MKX: variants seen among roughly 807,000 people sequenced by gnomAD.
MKX encodes the protein homeobox protein Mohawk.
In MKX, 13 loss-of-function variants were observed where a neutral mutation model predicts 36.0. That is an observed-to-expected ratio of 0.36 (90% CI 0.24 to 0.57). The LOEUF (loss-of-function observed/expected upper bound fraction) is 0.57, where lower values mean the gene tolerates loss of function less well. MKX is among the 20% of genes least tolerant of loss of function. The pLI, the probability that MKX is intolerant of heterozygous loss-of-function variation, is 0.79. For synonymous variants in MKX, 176 were observed against 178.3 expected, an observed-to-expected ratio of 0.99 and a Z score of 0.10; for missense variants, 458 against 456.4, an observed-to-expected ratio of 1.00 and a Z score of -0.03.
At chr10:27,713,404 A>G (rs1836907463) in intron 5 of MKX, among the ~76,000 whole-genome samples, 1 of 152,222 alleles carries the variant, frequency 6.6e-6, no homozygotes, top group South Asian at 2.1e-4. Flanking sequence ...GTCCATGTAC[A>G]AAAGGAAGTT....
At chr10:27,735,689 A>G (rs1368124197) in intron 3 of MKX, among the ~76,000 whole-genome samples, 2 of 152,356 alleles carry the variant, frequency 1.3e-5, no homozygotes, top group East Asian at 1.9e-4. Flanking sequence ...AATGTGATGA[A>G]TGGCATACAA....
At position 27,744,017 on chromosome 10, in the gene MKX, A is replaced by G. The variant is rs1564370440; in HGVS notation, c.-82-520T>C. ...CCCCCCAGCTCATGAGTCCCAGGCC[A>G]TACCGGGATTTGGGGGATTTTCGTG... On this transcript the variant is annotated intron_variant, in intron 1 of 6. Transcript: ENST00000419761. The surrounding 1 kb of genome is among the most constrained non-coding windows in gnomAD (Gnocchi z 5.6). Among the ~76,000 whole-genome samples the G allele has an allele frequency of 6.6e-6, 1 of 152,112 alleles. No homozygotes were observed. Among genetic ancestry groups the G allele is most frequent in the African/African-American group, 2.4e-5 (1 of 41,420 alleles).
chr10:27,741,245 A>G lies in MKX; in HGVS notation c.348+100T>C. 4 of 1,473,474 alleles carry G rather than the reference A, an allele frequency of 2.7e-6. No individual in the cohort carries two copies. The highest frequency in any genetic ancestry group is 3.7e-6 in the Non-Finnish European group (4 of 1,070,660). 91.3% of individuals were successfully genotyped at this position (1,473,474 alleles called of 1,614,324 possible). A position where few individuals can be genotyped will look rare whatever the true frequency, so the allele number is the denominator to read the frequency against. On this transcript the variant is annotated intron_variant, in intron 3 of 6. Transcript: ENST00000419761. This position sits in a 1 kb window ranked among gnomAD's most constrained non-coding sequence, Gnocchi z 5.1. Reference sequence around the variant, plus strand: ...CCACAGCTCGGCTCCATCCCTCTCCAGGTAGAAGCGCCACGTGGAGAGCCA... The same window carrying G: ...CCACAGCTCGGCTCCATCCCTCTCCGGGTAGAAGCGCCACGTGGAGAGCCA...
At chr10:27,726,250 A>G (rs1834486234) in intron 5 of MKX, among the ~76,000 whole-genome samples, 1 of 152,216 alleles carries the variant, frequency 6.6e-6, no homozygotes, top group Non-Finnish European at 1.5e-5. Flanking sequence ...GCTCTTGCAC[A>G]TGGAGGAGAG....
chr10:27,718,200 T>G (rs1333753512), intron 5 of MKX, among the ~76,000 whole-genome samples: 1 of 152,132 alleles, frequency 6.6e-6, no homozygotes, highest in African/African-American at 2.4e-5. Context: ...CACTGTATTA[T>G]TACTAAGAAG....
At position 27,742,118 on chromosome 10, in the gene MKX, A is replaced by G. The variant is rs1834912327; in HGVS notation, c.189-614T>C. Reference sequence around the variant, plus strand: ...TGTGGAGGAAAGCTGCAGAACCCAAAAACACCGTCGGGCCGTTTCCCGACT... The same window carrying G: ...TGTGGAGGAAAGCTGCAGAACCCAAGAACACCGTCGGGCCGTTTCCCGACT... On this transcript the variant is annotated intron_variant, in intron 2 of 6. Coordinates refer to ENST00000419761, the MANE Select transcript of MKX (RefSeq NM_173576.3). This position sits in a 1 kb window ranked among gnomAD's most constrained non-coding sequence, Gnocchi z 4.2. Among the ~76,000 whole-genome samples the G allele has an allele frequency of 6.6e-6, 1 of 152,216 alleles. No homozygotes were observed. The highest frequency in any genetic ancestry group is 1.5e-5 in the Non-Finnish European group (1 of 68,036).
chr10:27,682,807 C>T (rs1235411426), intron 5 of MKX, among the ~76,000 whole-genome samples: 3 of 151,764 alleles, frequency 2.0e-5, no homozygotes, highest in African/African-American at 4.8e-5. Flanking sequence ...AGTGAAACCC[C>T]GTCTCTACTA....
intron 5 of MKX, among the ~76,000 whole-genome samples, chr10:27,677,311 C>T (rs983124359): frequency 5.3e-5 from 8 of 152,248 alleles, no homozygotes; most frequent in Admixed American, 4.6e-4. Flanking sequence ...ACGCCCCCTG[C>T]CCCTGCCAAC....
chr10:27,744,077 C>G lies in MKX; in HGVS notation c.-82-580G>C, dbSNP rs937379063. 1.3e-5 allele frequency among the ~76,000 whole-genome samples: 2 copies of G among 152,100 alleles called. No individual in the cohort carries two copies. The highest frequency in any genetic ancestry group is 2.9e-5 in the Non-Finnish European group (2 of 68,012). ...TCGTGGATGGTTTGGTTGAAACCCC[C>G]GCATCTTCTGTCCGCCAAGGTCCCC... On this transcript the variant is annotated intron_variant, in intron 1 of 6. Transcript: ENST00000419761. This position sits in a 1 kb window ranked among gnomAD's most constrained non-coding sequence, Gnocchi z 5.6.
intron 5 of MKX, among the ~76,000 whole-genome samples, chr10:27,687,093 G>A (rs1457494960): frequency 9.9e-5 from 15 of 150,812 alleles, no homozygotes; most frequent in African/African-American, 3.2e-4. Context: ...TGCAACCTCC[G>A]CCTCCTGGGT....
intron 5 of MKX, among the ~76,000 whole-genome samples, chr10:27,733,645 A>G (rs1253315203): frequency 6.6e-6 from 1 of 152,162 alleles, no homozygotes; most frequent in Non-Finnish European, 1.5e-5. Flanking sequence ...TCATTTGCTG[A>G]CATTTTCAGG....
chr10:27,712,934 C>T (rs1460846473), intron 5 of MKX, among the ~76,000 whole-genome samples: 1 of 151,850 alleles, frequency 6.6e-6, no homozygotes, highest in Non-Finnish European at 1.5e-5. Context: ...AAGGCCCTGT[C>T]TCTAAAAAAA....
At position 27,741,083 on chromosome 10, in the gene MKX, CT is replaced by C. The variant is rs1834882616; in HGVS notation, c.348+261del. On this transcript the variant is annotated intron_variant, in intron 3 of 6. Transcript: ENST00000419761. The surrounding 1 kb of genome is among the most constrained non-coding windows in gnomAD (Gnocchi z 5.1). The stretch of plus-strand genomic sequence containing the variant: ...TTAAGCTCTCCAGGCGATTCTGATG[CT>C]CACTAATGTTGAACCTTCTCGTAAG... Among the ~76,000 whole-genome samples the C allele has an allele frequency of 6.6e-6, 1 of 152,210 alleles. No individual in the cohort carries two copies. The highest frequency in any genetic ancestry group is 1.5e-5 in the Non-Finnish European group (1 of 68,044).
At chr10:27,743,673 T>C (rs1589703339) in intron 1 of MKX, 176 bp from the exon 2 acceptor site, 1 of 484,830 alleles carries the variant, frequency 2.1e-6, no homozygotes. Flanking sequence ...CCCCCGCCCC[T>C]GCAGGTTCCC....
At chr10:27,712,926 G>A (rs760405276) in intron 5 of MKX, among the ~76,000 whole-genome samples, 1 of 151,982 alleles carries the variant, frequency 6.6e-6, no homozygotes, top group Admixed American at 6.6e-5. Context: ...GACAGAGCAA[G>A]GCCCTGTCTC....
At chr10:27,728,999 C>T (rs1440072168) in intron 5 of MKX, among the ~76,000 whole-genome samples, 1 of 152,156 alleles carries the variant, frequency 6.6e-6, no homozygotes, top group Admixed American at 6.5e-5. Flanking sequence ...GTGTCCCATG[C>T]ACCAATAAAC....
intron 5 of MKX, among the ~76,000 whole-genome samples, chr10:27,689,307 A>AT (rs1266983642): frequency 6.6e-6 from 1 of 151,998 alleles, no homozygotes; most frequent in East Asian, 1.9e-4. Flanking sequence ...TACTAGAAAA[A>AT]ACCCCCACAT....
At chr10:27,719,277 C>T (rs1392574794) in intron 5 of MKX, among the ~76,000 whole-genome samples, 3 of 152,062 alleles carry the variant, frequency 2.0e-5, no homozygotes, top group African/African-American at 7.2e-5. Context: ...AGGGCAAGAC[C>T]GTGGAGAGTG....
At chr10:27,716,586 T>C (rs1564359109) in intron 5 of MKX, among the ~76,000 whole-genome samples, 1 of 152,202 alleles carries the variant, frequency 6.6e-6, no homozygotes. Flanking sequence ...TGTGCTCATA[T>C]GTAAATAATT....
Sources: gnomAD v4.1 joint callset for allele counts (sites outside exome capture counted in the v4.1 genomes callset) on GRCh38, gnomAD v4.1.1 for gene constraint, Gnocchi (gnomAD v3.1) non-coding constraint, MANE v1.5 for transcripts, NCBI Gene and HGNC (gene_info 2026-07-23, HGNC 2026-07-21) for gene names.